The following TIMM44 variants were observed in gnomAD, a reference collection of about 807,000 sequenced individuals.
The protein encoded by TIMM44 is translocase of inner mitochondrial membrane 44.
In TIMM44, 37 loss-of-function variants were observed where a neutral mutation model predicts 63.8. The observed-to-expected ratio is 0.58, with a 90% CI of 0.45 to 0.76. TIMM44 has a LOEUF of 0.76. Ranked by LOEUF, TIMM44 falls within the 30% of genes least tolerant of loss-of-function variation. TIMM44 has a pLI of 0.00. For missense variants in TIMM44, 573 were observed against 603.8 expected, an observed-to-expected ratio of 0.95 and a Z score of 0.54; for synonymous variants, 239 against 245.1, an observed-to-expected ratio of 0.98 and a Z score of 0.23.
rs753330549 is a variant in TIMM44, at chr19:7,938,081, G to C, written c.258C>G (p.Asp86Glu). 1 of 1,614,078 alleles carries C rather than the reference G, an allele frequency of 6.2e-7. No homozygotes were observed. The highest frequency in any genetic ancestry group is 8.5e-7 in the Non-Finnish European group (1 of 1,180,020). The change falls in exon 3 of 13, where the codon GAC becomes GAG. Residue 86 changes from aspartate (D) to glutamate (E), a missense_variant. By Grantham distance (45) the Asp-to-Glu change is conservative (BLOSUM62 2). Coordinates refer to ENST00000270538, the MANE Select transcript of TIMM44 (RefSeq NM_006351.4). ...EMKESIKKFR[D>E]EARRLEESDV... ...CTGATTCTTCTAGCCTTCTGGCCTCGTCACGGAATTTTTTTATACTTTCTT... is the reference window on the plus strand; with the variant it reads ...CTGATTCTTCTAGCCTTCTGGCCTCCTCACGGAATTTTTTTATACTTTCTT...
rs138114393 is a variant in TIMM44 at position 7,934,342 on chromosome 19, C to T, written c.394-104G>A. The stretch of plus-strand genomic sequence containing the variant: ...GCCGGAGAGAAGGGCGGATCTGGTT[C>T]CCCGAGGCCGGCAGAGGCCTTCTGT... On this transcript the variant is annotated intron_variant, in intron 4 of 12. Coordinates refer to ENST00000270538, the MANE Select transcript of TIMM44 (RefSeq NM_006351.4). This position sits in a 1 kb window ranked among gnomAD's most constrained non-coding sequence, Gnocchi z 5.3. The T allele has an allele frequency of 0.022, 32,743 of 1,502,666 alleles. 454 individuals are homozygous for T. The highest frequency in any genetic ancestry group is 0.025 in the Non-Finnish European group (27,797 of 1,095,534). The allele number at this position is 1,502,666 out of a possible 1,614,324, so 93.1% of individuals were successfully genotyped here.
Position 7,934,291 on chromosome 19 carries a change from G to A in TIMM44, c.394-53C>T. ...GTTGGCACCGGCCCTGGCGGCCGGG[G>A]GGCGGGGCAGGAGGAATGAATTCCT... is the stretch of plus-strand genomic sequence containing the variant. On this transcript the variant is annotated intron_variant, in intron 4 of 12. Coordinates refer to ENST00000270538, the MANE Select transcript of TIMM44 (RefSeq NM_006351.4). The surrounding 1 kb of genome is among the most constrained non-coding windows in gnomAD (Gnocchi z 5.3). 1 of 1,600,792 alleles carries A rather than the reference G, an allele frequency of 6.2e-7. No homozygotes were observed. The highest frequency in any genetic ancestry group is 8.5e-7 in the Non-Finnish European group (1 of 1,177,636).
At position 7,932,924 on chromosome 19, in the gene TIMM44, C is replaced by G. The variant is rs113419511; in HGVS notation, c.778G>C (p.Glu260Gln). The change falls in exon 8 of 13, where the codon GAG (glutamate) becomes CAG (glutamine). Residue 260 changes from glutamate to glutamine, a missense_variant. Transcript: ENST00000270538. ...ENNVVFNRFF[E>Q]MKMKYDESDN... ...CTTTCGTCATACTTCATCTTCATCT[C>G]GAAGAACCCTGTGGAAGATGGGGTA... is the stretch of plus-strand genomic sequence containing the variant. 11 of 1,613,926 alleles carry G rather than the reference C, an allele frequency of 6.8e-6. No individual in the cohort carries two copies. In the African/African-American group the frequency reaches 8.0e-5, roughly 12 times the overall value.
At chr19:7,941,081 C>G (rs764671550) in intron 2 of TIMM44, 21 bp downstream of exon 2, 1 of 1,607,096 alleles carries the variant, frequency 6.2e-7, no homozygotes, top group Non-Finnish European at 8.5e-7. Flanking sequence ...TCTGCTGGCC[C>G]GAGCATCCTG....
At chr19:7,927,499 C>G in intron 12 of TIMM44, 158 bp downstream of exon 12, 1 of 1,015,582 alleles carries the variant, frequency 9.8e-7, no homozygotes, top group Non-Finnish European at 1.5e-6. Flanking sequence ...TGGTCTCCGA[C>G]CTCCCTCAAC....
At chr19:7,932,463 T>G in intron 9 of TIMM44, 164 bp downstream of exon 9, 1 of 966,444 alleles carries the variant, frequency 1.0e-6, no homozygotes, top group East Asian at 2.5e-5. Flanking sequence ...GCACAGCTCA[T>G]GGGGCAGCTG....
At chr19:7,927,363 CT>C in intron 12 of TIMM44, 57 bp from the exon 13 acceptor site, 2 of 1,583,620 alleles carry the variant, frequency 1.3e-6, no homozygotes, top group Non-Finnish European at 1.7e-6. Context: ...CCAGGCAGCT[CT>C]GGGGGGGGGC....
rs964269152 is a variant in TIMM44 at position 7,931,359 on chromosome 19, C to T, written c.988-171G>A. 6.7e-5 allele frequency: 46 copies of T among 686,906 alleles called. No individual in the cohort carries two copies. The Middle Eastern group carries it at 9.6e-4, about 14-fold the overall frequency. The allele number at this position is 686,906 out of a possible 1,614,324, so 42.6% of individuals were successfully genotyped here. On this transcript the variant is annotated intron_variant, in intron 9 of 12. Transcript: ENST00000270538. ...TGGCACTGGGTGTCCCCCCCAGGCC[C>T]GTCCCTGCTGGTGTCAGTGCCTGGC...
chr19:7,935,808 C>T (rs934536877), intron 3 of TIMM44, among the ~76,000 whole-genome samples: 3 of 152,138 alleles, frequency 2.0e-5, no homozygotes, highest in East Asian at 3.9e-4. Flanking sequence ...TTATGTCTCC[C>T]GCTCCATCCA....
intron 3 of TIMM44, among the ~76,000 whole-genome samples, chr19:7,935,485 TGTATGTTCTGAC>T (rs1984127072): frequency 6.6e-6 from 1 of 152,186 alleles, no homozygotes; most frequent in Non-Finnish European, 1.5e-5. Flanking sequence ...TCTTTAAGTC[TGTATGTTCTGAC>T]ACGGCAGTGA....
intron 9 of TIMM44, 100 bp from the exon 10 acceptor site, chr19:7,931,288 T>C: frequency 8.9e-7 from 1 of 1,120,238 alleles, no homozygotes; most frequent in Non-Finnish European, 1.4e-6. Context: ...GTGGGGAGTT[T>C]CCTCAGACAC....
chr19:7,938,750 T>C (rs1403167348), intron 2 of TIMM44, among the ~76,000 whole-genome samples: 1 of 152,086 alleles, frequency 6.6e-6, no homozygotes, highest in African/African-American at 2.4e-5. Flanking sequence ...GAGGCTGCAG[T>C]GAGCCAAGAT....
rs1984357950 is a variant in TIMM44, at chr19:7,943,135, C to T, written c.45+472G>A. 6.6e-6 allele frequency among the ~76,000 whole-genome samples: 1 copy of T among 152,118 alleles called. No homozygotes were observed. Among genetic ancestry groups the T allele is most frequent in the Non-Finnish European group, 1.5e-5 (1 of 68,032 alleles). ...TGCGCCTTACACGTCTTGACTGCCA[C>T]TGCCCTGTGGACCCAAGAGCCTGCT... On this transcript the variant is annotated intron_variant, in intron 1 of 12. Coordinates refer to ENST00000270538, the MANE Select transcript of TIMM44 (RefSeq NM_006351.4). The surrounding 1 kb of genome is among the most constrained non-coding windows in gnomAD (Gnocchi z 4.3).
At chr19:7,929,345 GGT>G (rs1983913698) in intron 10 of TIMM44, among the ~76,000 whole-genome samples, 1 of 152,204 alleles carries the variant, frequency 6.6e-6, no homozygotes, top group African/African-American at 2.4e-5. Flanking sequence ...GCTCCTTCCT[GGT>G]GTGGGAAGAC....
chr19:7,935,016 AG>A lies in TIMM44; in HGVS notation c.393+48del, dbSNP rs764477808. 4 of 1,549,884 alleles carry A rather than the reference AG, an allele frequency of 2.6e-6. No homozygotes were observed. In the South Asian group the frequency reaches 3.4e-5, roughly 13 times the overall value. On this transcript the variant is annotated intron_variant, in intron 4 of 12. Transcript: ENST00000270538. Reference sequence around the variant, plus strand: ...ACTCTTCCTCCAGCCTCCAGCGGCCAGGGGACTTTGATGGCCCCAGCGGCTC... The same window carrying A: ...ACTCTTCCTCCAGCCTCCAGCGGCCAGGGACTTTGATGGCCCCAGCGGCTC...
chr19:7,935,209 A>C, intron 3 of TIMM44, 64 bp from the exon 4 acceptor site: 1 of 1,398,088 alleles, frequency 7.2e-7, no homozygotes, highest in Non-Finnish European at 9.7e-7. Flanking sequence ...TCCGTTGCCG[A>C]GGCTGGAGTA....
rs35810163 is a variant in TIMM44 at position 7,934,606 on chromosome 19, G to A, written c.394-368C>T. Among the ~76,000 whole-genome samples the A allele has an allele frequency of 0.11, 16,487 of 152,170 alleles. 1,178 individuals carry two copies. Among genetic ancestry groups the A allele is most frequent in the African/African-American group, 0.21 (8,621 of 41,510 alleles). ...ATGGGCAGGAGTCCTCTGGAGACCC[G>A]GGAACTGCCTGGCAGCAAGGATTCC... On this transcript the variant is annotated intron_variant, in intron 4 of 12. Coordinates refer to ENST00000270538, the MANE Select transcript of TIMM44 (RefSeq NM_006351.4). This position sits in a 1 kb window ranked among gnomAD's most constrained non-coding sequence, Gnocchi z 5.3.
chr19:7,931,019 C>A, intron 10 of TIMM44, 119 bp downstream of exon 10: 3 of 871,160 alleles, frequency 3.4e-6, no homozygotes, highest in Non-Finnish European at 5.5e-6. Context: ...GATTCCCCCA[C>A]CGGGAGCCCA....
At chr19:7,932,447 C>T in intron 9 of TIMM44, 180 bp downstream of exon 9, 1 of 802,786 alleles carries the variant, frequency 1.2e-6, no homozygotes, top group Non-Finnish European at 2.0e-6. Flanking sequence ...CCAGGAAGGG[C>T]TTCGGGCACA....
Sources: allele counts gnomAD v4.1 joint callset (sites outside exome capture counted in the v4.1 genomes callset), GRCh38; gene constraint gnomAD v4.1.1; non-coding constraint Gnocchi (gnomAD v3.1); transcripts MANE v1.5; gene names NCBI Gene and HGNC (gene_info 2026-07-23, HGNC 2026-07-21).